The following POFUT1 variants were observed in gnomAD, a reference collection of about 807,000 sequenced individuals.
POFUT1 encodes the protein GDP-fucose protein O-fucosyltransferase 1.
In POFUT1, 16 loss-of-function variants were observed where a neutral mutation model predicts 42.4. The observed-to-expected ratio is 0.38, with a 90% confidence interval of 0.26 to 0.57. The LOEUF (loss-of-function observed/expected upper bound fraction) is 0.57. Ranked by LOEUF, POFUT1 falls within the 20% of genes least tolerant of loss-of-function variation. POFUT1 has a pLI of 0.71. For synonymous variants in POFUT1, 206 were observed against 205.4 expected (o/e 1.00, Z -0.03); for missense variants, 470 against 504.6 (o/e 0.93, Z 0.66).
chr20:32,231,550 G>C (rs978628220), intron 6 of POFUT1, among the ~76,000 whole-genome samples: 6 of 152,206 alleles, frequency 3.9e-5, no homozygotes, highest in Admixed American at 6.5e-5. Flanking sequence ...TAGAGAGTGG[G>C]CTCTGGGGAG....
In POFUT1 at chr20:32,215,461, G is replaced by A. The variant is rs201685689; in HGVS notation, c.429+10G>A. The stretch of plus-strand genomic sequence containing the variant: ...GACGTGCCCCATGAAGGTGGGTCCT[G>A]TGGGTTCGGGGGCCCTTTCTTCCTG... On this transcript the variant is annotated intron_variant, in intron 3 of 6. Transcript: ENST00000375749. 2.5e-6 allele frequency: 4 copies of A among 1,598,664 alleles called. No individual in the cohort carries two copies. The highest frequency in any genetic ancestry group is 2.2e-5 in the South Asian group (2 of 90,634).
rs774018222 is a variant in POFUT1, at chr20:32,216,594, A to C, written c.430-15A>C. 10 of 1,543,320 alleles carry C rather than the reference A, an allele frequency of 6.5e-6. No individual in the cohort carries two copies. Among genetic ancestry groups the C allele is most frequent in the Non-Finnish European group, 9.0e-6 (10 of 1,116,608 alleles). ...CCTCCCCATCAGTAAGCCTTCCACC[A>C]CTCTCTTTCTGCAGGAAGGAAACCC... is the stretch of plus-strand genomic sequence containing the variant. On this transcript the variant is annotated splice_polypyrimidine_tract_variant and intron_variant, in intron 3 of 6. Coordinates refer to ENST00000375749, the MANE Select transcript of POFUT1 (RefSeq NM_015352.2).
intron 4 of POFUT1, among the ~76,000 whole-genome samples, chr20:32,224,435 C>G (rs2047404927): frequency 6.6e-6 from 1 of 151,938 alleles, no homozygotes; most frequent in South Asian, 2.1e-4. Flanking sequence ...AGATAAGTGT[C>G]GCACAGCTGG....
chr20:32,228,185 A>G, intron 4 of POFUT1, 78 bp from the exon 5 acceptor site: 1 of 1,251,762 alleles, frequency 8.0e-7, no homozygotes, highest in Non-Finnish European at 1.1e-6. Flanking sequence ...ATGGTGCAAC[A>G]CCATCCTTTT....
chr20:32,222,663 C>A (rs543098906), intron 4 of POFUT1: 3 of 985,334 alleles, frequency 3.0e-6, no homozygotes, highest in East Asian at 2.3e-4. Context: ...AAACTGGGTT[C>A]GAGGGAAAGA....
rs183855791 is a variant in POFUT1, at chr20:32,213,685, C to T, written c.247-1584C>T. ...ACTCGGGAGGCTGAGGCAGGAGAAT[C>T]GCTTGAACCTGGGAGGGGGAGGTTG... On this transcript the variant is annotated intron_variant, in intron 2 of 6. Coordinates refer to ENST00000375749, the MANE Select transcript of POFUT1 (RefSeq NM_015352.2). Among the ~76,000 whole-genome samples, 139 of 152,040 alleles carry T rather than the reference C, an allele frequency of 9.1e-4. 1 individual carries two copies. Among genetic ancestry groups the T allele is most frequent in the Non-Finnish European group, 1.6e-3 (112 of 67,962 alleles).
chr20:32,230,201 C>T (rs1041862739), intron 5 of POFUT1, among the ~76,000 whole-genome samples: 6 of 151,670 alleles, frequency 4.0e-5, no homozygotes, highest in South Asian at 2.1e-4. Context: ...TCCTGGCTAA[C>T]GTGGTGAAAC....
intron 2 of POFUT1, among the ~76,000 whole-genome samples, chr20:32,213,241 CA>C (rs1299491501): frequency 1.3e-5 from 2 of 152,124 alleles, no homozygotes; most frequent in South Asian, 2.1e-4. Flanking sequence ...GCGGGCAAAT[CA>C]CTTGAGGTCA....
chr20:32,231,739 A>G (rs1484029434), intron 6 of POFUT1, among the ~76,000 whole-genome samples: 1 of 152,214 alleles, frequency 6.6e-6, no homozygotes, highest in African/African-American at 2.4e-5. Context: ...GATGTAAAGA[A>G]ATTGAAACAG....
At chr20:32,213,348 C>T (rs1467142970) in intron 2 of POFUT1, among the ~76,000 whole-genome samples, 3 of 149,998 alleles carry the variant, frequency 2.0e-5, no homozygotes, top group African/African-American at 7.4e-5. Flanking sequence ...CCCAGCTATT[C>T]AGGAGGCTGA....
At chr20:32,209,937 T>TA (rs899038970) in intron 1 of POFUT1, 134 bp from the exon 2 acceptor site, 2 of 919,968 alleles carry the variant, frequency 2.2e-6, no homozygotes, top group African/African-American at 3.3e-5. Flanking sequence ...GACTTGTTCT[T>TA]ATGCTGCCAG....
At position 32,234,462 on chromosome 20, in the gene POFUT1, T is replaced by G. The variant is rs895622682; in HGVS notation, c.979-11T>G. Reference sequence around the variant, plus strand: ...CACCCCAGCTTATATGCTCTGTGCTTCTTCCTGCAGGTGAAGGTGGTGAGC... The same window carrying G: ...CACCCCAGCTTATATGCTCTGTGCTGCTTCCTGCAGGTGAAGGTGGTGAGC... On this transcript the variant is annotated splice_polypyrimidine_tract_variant and intron_variant, in intron 6 of 6. Coordinates refer to ENST00000375749, the MANE Select transcript of POFUT1 (RefSeq NM_015352.2). The G allele has an allele frequency of 2.5e-6, 4 of 1,594,244 alleles. No homozygotes were observed. The highest frequency in any genetic ancestry group is 1.1e-5 in the South Asian group (1 of 87,466).
At position 32,208,060 on chromosome 20, in the gene POFUT1, G is replaced by T; in HGVS notation, c.119G>T (p.Cys40Phe). Residue 40 changes from cysteine (C) to phenylalanine (F), a missense_variant, in exon 1 of 7, where the codon TGC (cysteine) becomes TTC (phenylalanine). Physicochemically the swap from Cys to Phe is radical, Grantham distance 205. Coordinates refer to ENST00000375749, the MANE Select transcript of POFUT1 (RefSeq NM_015352.2). ...DPAGYLLYCP[C>F]MGRFGNQADH... ...GCCGGTTACCTGCTCTACTGCCCCT[G>T]CATGGGTAAGGCCTCCCAAGCCCTC... The T allele has an allele frequency of 6.4e-7, 1 of 1,555,018 alleles. No individual in the cohort carries two copies. The highest frequency in any genetic ancestry group is 1.2e-5 in the South Asian group (1 of 85,216).
chr20:32,230,797 C>G (rs768026245), intron 5 of POFUT1, 22 bp from the exon 6 acceptor site: 1 of 1,609,720 alleles, frequency 6.2e-7, no homozygotes, highest in South Asian at 1.1e-5. Context: ...CAGTATTTAA[C>G]CCTGTTCCCC....
chr20:32,222,472 G>A (rs527373768), intron 4 of POFUT1, among the ~76,000 whole-genome samples: 20 of 152,240 alleles, frequency 1.3e-4, no homozygotes, highest in South Asian at 2.1e-4. Flanking sequence ...AAGCCTTCCC[G>A]GAAGTCCATT....
chr20:32,230,788 A>G (rs1196328030), intron 5 of POFUT1, 31 bp from the exon 6 acceptor site: 1 of 1,604,220 alleles, frequency 6.2e-7, no homozygotes, highest in Non-Finnish European at 8.5e-7. Flanking sequence ...GGCAGTTGCC[A>G]GTATTTAACC....
intron 4 of POFUT1, among the ~76,000 whole-genome samples, chr20:32,226,714 A>G (rs1043319711): frequency 6.6e-6 from 1 of 151,932 alleles, no homozygotes; most frequent in Admixed American, 6.6e-5. Flanking sequence ...GAGATTGCCC[A>G]CCCTCCCTGA....
rs368172687 is a variant in POFUT1, at chr20:32,207,940, A to G, written c.-2A>G. ...GCGGCTGGCTCGGGTTCCCGGGCCG[A>G]CATGGGCGCCGCCGCGTGGGCACGG... On this transcript the variant is annotated 5_prime_UTR_variant, in exon 1 of 7. Coordinates refer to ENST00000375749, the MANE Select transcript of POFUT1 (RefSeq NM_015352.2). 345 of 1,585,172 alleles carry G rather than the reference A, an allele frequency of 2.2e-4. No individual in the cohort carries two copies. The highest frequency in any genetic ancestry group is 2.3e-4 in the Non-Finnish European group (273 of 1,174,136).
chr20:32,230,774 C>G (rs2047438870), intron 5 of POFUT1, 45 bp from the exon 6 acceptor site: 1 of 1,598,710 alleles, frequency 6.3e-7, no homozygotes, highest in African/African-American at 1.3e-5. Flanking sequence ...TTCTGGGGTT[C>G]CAGGGCAGTT....
Sources: gnomAD v4.1 joint callset for allele counts (sites outside exome capture counted in the v4.1 genomes callset) on GRCh38, gnomAD v4.1.1 for gene constraint, MANE v1.5 for transcripts, NCBI Gene and HGNC (gene_info 2026-07-23, HGNC 2026-07-21) for gene names.